Variants in DYNC2I1 observed in about 807,000 individuals in gnomAD.
DYNC2I1 encodes the protein dynein 2 intermediate chain 1, also known as cytoplasmic dynein 2 intermediate chain 1.
In DYNC2I1, 89 loss-of-function variants were observed where a neutral mutation model predicts 133.4. The observed-to-expected ratio is 0.67, with a 90% CI of 0.56 to 0.80. The LOEUF is 0.80. Among genes scored for constraint, DYNC2I1 ranks in the 30% least tolerant of loss-of-function variants. The probability of loss-of-function intolerance (pLI) is 0.00; values close to 1 mark genes in which losing one functional copy is unlikely to be tolerated. For missense variants in DYNC2I1, 1,291 were observed against 1,314.5 expected (o/e 0.98, Z 0.28); for synonymous variants, 504 against 484.3 (o/e 1.04, Z -0.54).
chr7:158,919,222 T>C (rs1178926011), intron 15 of DYNC2I1, among the ~76,000 whole-genome samples: 1 of 152,226 alleles, frequency 6.6e-6, no homozygotes, highest in African/African-American at 2.4e-5. Flanking sequence ...GTAGTAGAAA[T>C]AGTTGGACGA....
chr7:158,857,765 T>A (rs1269547523), intron 1 of DYNC2I1, among the ~76,000 whole-genome samples: 2 of 147,300 alleles, frequency 1.4e-5, no homozygotes, highest in Non-Finnish European at 2.9e-5. Context: ...CTTGATCTCC[T>A]GACTTCGTGA....
rs2129489080 is a variant in DYNC2I1, at chr7:158,942,074, A to T, written c.2928A>T (p.Thr976=). 1 of 1,611,014 alleles carries T rather than the reference A, an allele frequency of 6.2e-7. No individual in the cohort carries two copies. Among genetic ancestry groups the T allele is most frequent in the East Asian group, 2.2e-5 (1 of 44,806 alleles). The change falls in exon 24 of 25, where the codon ACA becomes ACT. Residue 976 remains threonine, a synonymous_variant. Transcript: ENST00000407559. ...CCGTGTTCCTGGTGCAGGACGACACATCCAACATCTACATCTGGGACCTCC... is the reference window on the plus strand; with the variant it reads ...CCGTGTTCCTGGTGCAGGACGACACTTCCAACATCTACATCTGGGACCTCC... ...RPAVFLVQDD[T]SNIYIWDLLQ...
downstream of DYNC2I1, among the ~76,000 whole-genome samples, chr7:158,956,964 AC>A (rs1360362324): frequency 6.6e-6 from 1 of 151,860 alleles, no homozygotes; most frequent in African/African-American, 2.4e-5. Context: ...GTCCACACTC[AC>A]CCGGCATCGG....
At chr7:158,858,407 T>A (rs1262503722) in intron 1 of DYNC2I1, among the ~76,000 whole-genome samples, 1 of 152,202 alleles carries the variant, frequency 6.6e-6, no homozygotes, top group Admixed American at 6.5e-5. Flanking sequence ...GAACAATGTT[T>A]CTGGTGTCAG....
At chr7:158,921,988 C>T (rs1295761357) in intron 15 of DYNC2I1, among the ~76,000 whole-genome samples, 1 of 152,196 alleles carries the variant, frequency 6.6e-6, no homozygotes, top group Non-Finnish European at 1.5e-5. Flanking sequence ...ACGTGGTGTT[C>T]CAGTGCTGAA....
Position 158,865,676 on chromosome 7 carries a change from C to G in DYNC2I1, c.16-4179C>G, listed in dbSNP as rs114133183. ...CCCCAGGCTGGGGTTTGTTCCACTC[C>G]TGGGAGTGCTGGGGAACTTTGCCCT... is the stretch of plus-strand genomic sequence containing the variant. On this transcript the variant is annotated intron_variant, in intron 1 of 24. Coordinates refer to ENST00000407559, the MANE Select transcript of DYNC2I1 (RefSeq NM_018051.5). Among the ~76,000 whole-genome samples the G allele has an allele frequency of 5.8e-3, 879 of 152,298 alleles. 10 individuals are homozygous for G. The highest frequency in any genetic ancestry group is 0.02 in the African/African-American group (842 of 41,566).
chr7:158,921,592 T>C (rs548973285), intron 15 of DYNC2I1, among the ~76,000 whole-genome samples: 33 of 152,002 alleles, frequency 2.2e-4, no homozygotes, highest in African/African-American at 6.8e-4. Flanking sequence ...CTATGAGCGA[T>C]TGTGACGAGG....
intron 23 of DYNC2I1, among the ~76,000 whole-genome samples, chr7:158,938,436 C>T (rs1369292006): frequency 6.6e-6 from 1 of 152,130 alleles, no homozygotes; most frequent in Admixed American, 6.5e-5. Context: ...TGAGAGAATT[C>T]ACCATCCTCA....
At chr7:158,852,739 C>T (rs1380179091), upstream of DYNC2I1, among the ~76,000 whole-genome samples, 1 of 151,544 alleles carries the variant, frequency 6.6e-6, no homozygotes, top group African/African-American at 2.4e-5. Context: ...GACTTCGTCT[C>T]AAAAAAATAA....
At chr7:158,864,270 A>G (rs1463187460) in intron 1 of DYNC2I1, among the ~76,000 whole-genome samples, 1 of 152,140 alleles carries the variant, frequency 6.6e-6, no homozygotes, top group African/African-American at 2.4e-5. Context: ...TGCAGGGAAC[A>G]GGATGACGAT....
At chr7:158,955,060 A>G (rs1039581996) in intron 4 of DYNC2I1, among the ~76,000 whole-genome samples, 2 of 152,236 alleles carry the variant, frequency 1.3e-5, no homozygotes, top group African/African-American at 4.8e-5. Context: ...GTGTGATTTC[A>G]AGATGTTTCT....
chr7:158,953,834 A>T (rs1364187444), intron 4 of DYNC2I1, among the ~76,000 whole-genome samples: 1 of 151,938 alleles, frequency 6.6e-6, no homozygotes, highest in East Asian at 1.9e-4. Context: ...GAAGGTGGTG[A>T]ATGGCATATA....
Position 158,911,655 on chromosome 7 carries a change from C to A in DYNC2I1, c.1566C>A (p.Asn522Lys). ...PVNEYDMYIR[N>K]FGKKNTKQAY... Reference sequence around the variant, plus strand: ...ATGAATATGACATGTATATCAGAAACTTTGGGAAAAAAAATACCAAGCAGG... The same window carrying A: ...ATGAATATGACATGTATATCAGAAAATTTGGGAAAAAAAATACCAAGCAGG... The change falls in exon 12 of 25, where the codon AAC (asparagine) becomes AAA (lysine). Residue 522 changes from asparagine (N) to lysine (K), a missense_variant. Coordinates refer to ENST00000407559, the MANE Select transcript of DYNC2I1 (RefSeq NM_018051.5). 6.2e-7 allele frequency: 1 copy of A among 1,604,710 alleles called. No individual in the cohort carries two copies. Among genetic ancestry groups the A allele is most frequent in the Non-Finnish European group, 8.5e-7 (1 of 1,177,338 alleles).
intron 23 of DYNC2I1, among the ~76,000 whole-genome samples, chr7:158,939,875 G>T (rs578149933): frequency 4.3e-4 from 65 of 152,220 alleles, no homozygotes; most frequent in African/African-American, 1.5e-3. Flanking sequence ...ACAAAAAGGG[G>T]TCTATATATA....
chr7:158,926,359 T>TA, intron 18 of DYNC2I1, 43 bp from the exon 19 acceptor site: 1 of 1,602,338 alleles, frequency 6.2e-7, no homozygotes, highest in Non-Finnish European at 8.5e-7. Context: ...TATGGTTTCC[T>TA]TATTTAAAGC....
At chr7:158,877,171 C>T (rs770093809) in intron 4 of DYNC2I1, among the ~76,000 whole-genome samples, 3 of 151,614 alleles carry the variant, frequency 2.0e-5, no homozygotes, top group South Asian at 2.1e-4. Context: ...GCTCTCCAGG[C>T]ACCTGCGGTT....
intron 4 of DYNC2I1, among the ~76,000 whole-genome samples, chr7:158,954,602 C>T (rs1425542131): frequency 1.3e-5 from 2 of 152,196 alleles, no homozygotes; most frequent in Admixed American, 6.5e-5. Flanking sequence ...GAGCTGAGCT[C>T]GTGCCAGTGC....
the DYNC2I1 span, among the ~76,000 whole-genome samples, chr7:158,844,447 G>A: frequency 6.6e-6 from 1 of 152,014 alleles, no homozygotes; most frequent in African/African-American, 2.4e-5. Flanking sequence ...GAGAGCGCGT[G>A]GGAATTGGGG....
downstream of DYNC2I1, among the ~76,000 whole-genome samples, chr7:158,949,460 T>TCCC (rs1851986684): frequency 6.6e-6 from 1 of 152,142 alleles, no homozygotes; most frequent in Non-Finnish European, 1.5e-5. Flanking sequence ...CCCGGCCCTG[T>TCCC]CCCCACTCCA....
Sources: allele counts gnomAD v4.1 joint callset (sites outside exome capture counted in the v4.1 genomes callset), GRCh38; gene constraint gnomAD v4.1.1; transcripts MANE v1.5; gene names NCBI Gene and HGNC (gene_info 2026-07-23, HGNC 2026-07-21).